PKIG: variants seen among roughly 807,000 people sequenced by gnomAD.
The protein encoded by PKIG is protein kinase (cAMP-dependent, catalytic) inhibitor gamma.
PKIG carries 1 observed loss-of-function variant against 6.8 expected under a neutral mutation model. That is an observed-to-expected ratio of 0.15 (90% CI 0.05 to 0.69). The LOEUF is 0.69. PKIG is among the 30% of genes least tolerant of loss of function. The pLI is 0.82. For synonymous variants in PKIG, 39 were observed against 43.0 expected (o/e 0.91, Z 0.36); for missense variants, 77 against 104.0 (o/e 0.74, Z 1.13).
At chr20:44,595,219 ACG>A (rs1317386602) in intron 2 of PKIG, among the ~76,000 whole-genome samples, 3 of 152,352 alleles carry the variant, frequency 2.0e-5, no homozygotes, top group Admixed American at 6.5e-5. Context: ...TTACACACAC[ACG>A]CAGAGAATAT....
intron 2 of PKIG, among the ~76,000 whole-genome samples, chr20:44,602,152 GA>G (rs1301127525): frequency 6.6e-6 from 1 of 152,210 alleles, no homozygotes; most frequent in African/African-American, 2.4e-5. Flanking sequence ...ATGAGGAAAA[GA>G]AAGAGCTTCA....
At chr20:44,583,998 C>T (rs2064969099) in intron 1 of PKIG, among the ~76,000 whole-genome samples, 1 of 152,020 alleles carries the variant, frequency 6.6e-6, no homozygotes, top group Non-Finnish European at 1.5e-5. Context: ...ACTGTATGTG[C>T]ACACGCATAC....
intron 1 of PKIG, among the ~76,000 whole-genome samples, chr20:44,576,183 G>A (rs2064896344): frequency 6.6e-6 from 1 of 151,736 alleles, no homozygotes; most frequent in African/African-American, 2.4e-5. Flanking sequence ...GTGTGTGTGT[G>A]TGTGTGTGTG....
At chr20:44,616,613 A>G (rs935426655) in intron 3 of PKIG, among the ~76,000 whole-genome samples, 9 of 152,098 alleles carry the variant, frequency 5.9e-5, no homozygotes, top group African/African-American at 1.7e-4. Flanking sequence ...GCTACATGAC[A>G]TTCACCTGCC....
At chr20:44,542,184 G>A (rs373677246) in intron 1 of PKIG, among the ~76,000 whole-genome samples, 1 of 152,192 alleles carries the variant, frequency 6.6e-6, no homozygotes, top group South Asian at 2.1e-4. Context: ...TGTATGATGA[G>A]AAGAACAAGA....
intron 1 of PKIG, among the ~76,000 whole-genome samples, chr20:44,588,675 G>C (rs1164917014): frequency 6.6e-6 from 1 of 151,830 alleles, no homozygotes; most frequent in Non-Finnish European, 1.5e-5. Flanking sequence ...CTTATACCAA[G>C]AGTAAAGGAG....
chr20:44,565,230 T>C (rs1424953271), intron 1 of PKIG, among the ~76,000 whole-genome samples: 1 of 152,250 alleles, frequency 6.6e-6, no homozygotes, highest in Non-Finnish European at 1.5e-5. Flanking sequence ...CTTCTGCTAG[T>C]GCTGGGACTA....
intron 1 of PKIG, among the ~76,000 whole-genome samples, chr20:44,548,342 C>A (rs1484335584): frequency 6.6e-6 from 1 of 152,154 alleles, no homozygotes; most frequent in Non-Finnish European, 1.5e-5. Context: ...GGGAGTCAAG[C>A]CAATTCCTTC....
In PKIG at chr20:44,555,691, ATTATT is replaced by A. The variant is rs533342279; in HGVS notation, c.-241+23719_-241+23723del. Among the ~76,000 whole-genome samples, 157 of 152,272 alleles carry A rather than the reference ATTATT, an allele frequency of 1.0e-3. 1 individual carries two copies. The highest frequency in any genetic ancestry group is 3.7e-3 in the African/African-American group (154 of 41,544). ...ATTTTGTGTGTGTATATGTGTATAG[ATTATT>A]TTATTGTTCCACATATATGTATATT... On this transcript the variant is annotated intron_variant, in intron 1 of 4. Transcript: ENST00000372887.
chr20:44,539,207 A>G (rs938135872), intron 1 of PKIG, among the ~76,000 whole-genome samples: 2 of 152,030 alleles, frequency 1.3e-5, no homozygotes, highest in Non-Finnish European at 2.9e-5. Context: ...TGTTGGGATT[A>G]CTACAGGCGT....
At chr20:44,558,026 C>T (rs2064730310) in intron 1 of PKIG, among the ~76,000 whole-genome samples, 1 of 143,378 alleles carries the variant, frequency 7.0e-6, no homozygotes. Context: ...AATCACTAGT[C>T]ATTAGTAATA....
At chr20:44,594,359 G>A (rs1046242245) in intron 2 of PKIG, among the ~76,000 whole-genome samples, 15 of 152,148 alleles carry the variant, frequency 9.9e-5, no homozygotes, top group African/African-American at 3.6e-4. Flanking sequence ...GTTCAGAGAG[G>A]TCAGGAATTT....
At chr20:44,538,376 A>G (rs528225429) in intron 1 of PKIG, among the ~76,000 whole-genome samples, 65 of 152,358 alleles carry the variant, frequency 4.3e-4, no homozygotes, top group African/African-American at 1.5e-3. Context: ...GATCCCTCTC[A>G]GATACTATAT....
chr20:44,573,986 G>A (rs244114), intron 1 of PKIG, among the ~76,000 whole-genome samples: 36,515 of 152,002 alleles, frequency 0.24, 5,897 homozygotes, highest in African/African-American at 0.46. Flanking sequence ...TTTTTAAAAA[G>A]TCTCTGAGTC....
intron 3 of PKIG, among the ~76,000 whole-genome samples, chr20:44,617,897 TA>T (rs200306947): frequency 6.8e-5 from 10 of 148,016 alleles, no homozygotes; most frequent in African/African-American, 1.7e-4. Context: ...ATACAAAAAT[TA>T]AAAAAAAAAC....
chr20:44,537,254 G>A (rs183949760), intron 1 of PKIG, among the ~76,000 whole-genome samples: 38 of 151,686 alleles, frequency 2.5e-4, no homozygotes, highest in Non-Finnish European at 4.0e-4. Context: ...ACAGGCACGC[G>A]CCACCACGCC....
At chr20:44,546,142 C>T (rs1182133212) in intron 1 of PKIG, among the ~76,000 whole-genome samples, 2 of 151,846 alleles carry the variant, frequency 1.3e-5, no homozygotes, top group East Asian at 1.9e-4. Context: ...CCCAACTACT[C>T]GGAGGCTGAG....
At chr20:44,617,112 C>G (rs2065272065) in intron 3 of PKIG, among the ~76,000 whole-genome samples, 1 of 152,204 alleles carries the variant, frequency 6.6e-6, no homozygotes, top group South Asian at 2.1e-4. Flanking sequence ...CTAGTTACAC[C>G]TCCATGTTAC....
upstream of PKIG, among the ~76,000 whole-genome samples, chr20:44,579,214 A>G (rs535415118): frequency 6.6e-6 from 1 of 152,354 alleles, no homozygotes; most frequent in South Asian, 2.1e-4. Flanking sequence ...AATATGTGTC[A>G]TCAGAGAAAA....
Sources: gnomAD v4.1 joint callset for allele counts (sites outside exome capture counted in the v4.1 genomes callset) on GRCh38, gnomAD v4.1.1 for gene constraint, MANE v1.5 for transcripts, NCBI Gene and HGNC (gene_info 2026-07-23, HGNC 2026-07-21) for gene names.